Variants in CAB39 observed in about 807,000 individuals in gnomAD.
The protein encoded by CAB39 is calcium-binding protein 39.
Under a neutral mutation model 40.0 loss-of-function variants are expected in CAB39, and 8 were observed. The ratio of observed to expected loss-of-function variants is 0.20; its 90% confidence interval spans 0.12 to 0.36. CAB39 has a LOEUF of 0.36. CAB39 is among the 10% of genes least tolerant of loss of function. CAB39 has a pLI of 1.00. For missense variants in CAB39, 270 were observed against 401.1 expected (o/e 0.67, Z 2.79); for synonymous variants, 156 against 141.6 (o/e 1.10, Z -0.72).
At chr2:230,745,610 T>C (rs149294877) in intron 1 of CAB39, among the ~76,000 whole-genome samples, 7 of 152,244 alleles carry the variant, frequency 4.6e-5, no homozygotes, top group Admixed American at 3.9e-4. Context: ...TTTTTAAAAT[T>C]TTTTTCTTTT....
chr2:230,778,372 G>A (rs369725114), intron 2 of CAB39, among the ~76,000 whole-genome samples: 50 of 152,306 alleles, frequency 3.3e-4, no homozygotes, highest in African/African-American at 1.2e-3. Context: ...CAAGGACATT[G>A]CATAGAAGCA....
rs376452703 is a variant in CAB39 at position 230,759,998 on chromosome 2, C to T, written c.-4C>T. On this transcript the variant is annotated 5_prime_UTR_variant, in exon 2 of 9. Coordinates refer to ENST00000258418, the MANE Select transcript of CAB39 (RefSeq NM_016289.4). ...GTGCAGCGGAGGCCCCTGCCGCTGC[C>T]GTCATGCCGTTCCCGTTTGGGAAGT... The T allele has an allele frequency of 1.1e-5, 17 of 1,594,170 alleles. No homozygotes were observed. In the African/African-American group the frequency reaches 1.1e-4, roughly 10 times the overall value.
intron 3 of CAB39, 140 bp downstream of exon 3, chr2:230,791,176 T>C: frequency 1.6e-6 from 1 of 615,788 alleles, no homozygotes. Context: ...ATGCCTGGGC[T>C]GCCTGCCTGA....
chr2:230,775,480 C>CA (rs1374474325), intron 2 of CAB39, among the ~76,000 whole-genome samples: 1 of 152,046 alleles, frequency 6.6e-6, no homozygotes, highest in African/African-American at 2.4e-5. Flanking sequence ...GTGATCCTCC[C>CA]ACTGTGGCCT....
intron 2 of CAB39, among the ~76,000 whole-genome samples, chr2:230,771,790 C>T (rs80094107): frequency 0.014 from 2,137 of 152,246 alleles, 50 homozygotes; most frequent in African/African-American, 0.047. Flanking sequence ...AGAAATAGAC[C>T]TACACATGTA....
At chr2:230,801,558 C>T (rs914853399) in intron 5 of CAB39, among the ~76,000 whole-genome samples, 4 of 152,080 alleles carry the variant, frequency 2.6e-5, no homozygotes, top group Non-Finnish European at 4.4e-5. Context: ...GGAACAGGTG[C>T]TGAGTCTTTA....
At chr2:230,716,316 T>C (rs894178079) in intron 1 of CAB39, among the ~76,000 whole-genome samples, 1 of 152,200 alleles carries the variant, frequency 6.6e-6, no homozygotes, top group Admixed American at 6.5e-5. Flanking sequence ...TTACTAAAGT[T>C]TTCTGTTTTG....
Position 230,788,246 on chromosome 2 carries a change from GT to G in CAB39, c.115-2612del, listed in dbSNP as rs201593174. 2.9e-3 allele frequency among the ~76,000 whole-genome samples: 392 copies of G among 136,712 alleles called. 1 individual carries two copies. The highest frequency in any genetic ancestry group is 7.0e-3 in the African/African-American group (264 of 37,454). 89.7% of individuals were successfully genotyped at this position (136,712 alleles called of 152,430 possible). ...TATAAATCTTTGATTTTGTTTTTCGGTTTTTTTTTTTTTTAAGTGGTTGCTT... is the reference window on the plus strand; with the variant it reads ...TATAAATCTTTGATTTTGTTTTTCGGTTTTTTTTTTTTTAAGTGGTTGCTT... On this transcript the variant is annotated intron_variant, in intron 2 of 8. Transcript: ENST00000258418.
intron 1 of CAB39, among the ~76,000 whole-genome samples, chr2:230,741,452 G>A (rs1694875580): frequency 6.6e-6 from 1 of 152,176 alleles, no homozygotes; most frequent in African/African-American, 2.4e-5. Flanking sequence ...TTTACTTCTA[G>A]TATTTGCCCC....
chr2:230,726,087 AAAT>A (rs1694564669), intron 1 of CAB39, among the ~76,000 whole-genome samples: 1 of 152,200 alleles, frequency 6.6e-6, no homozygotes, highest in Non-Finnish European at 1.5e-5. Context: ...GATTATCTGA[AAAT>A]ATTAAATTGC....
At chr2:230,727,339 A>G (rs1046582831) in intron 1 of CAB39, among the ~76,000 whole-genome samples, 2 of 149,790 alleles carry the variant, frequency 1.3e-5, no homozygotes, top group Admixed American at 6.6e-5. Context: ...TTTAAGAAGT[A>G]GAGCACTTGA....
At chr2:230,716,258 A>G (rs1431030907) in intron 1 of CAB39, among the ~76,000 whole-genome samples, 2 of 152,196 alleles carry the variant, frequency 1.3e-5, no homozygotes, top group Admixed American at 6.5e-5. Flanking sequence ...GAATGTTTGT[A>G]TATTGCAAAT....
At chr2:230,764,345 A>G (rs1424876538) in intron 2 of CAB39, among the ~76,000 whole-genome samples, 1 of 152,220 alleles carries the variant, frequency 6.6e-6, no homozygotes, top group African/African-American at 2.4e-5. Context: ...TGCCCATGAT[A>G]GGCTATTGTG....
chr2:230,720,645 C>T (rs1694432316), intron 1 of CAB39, among the ~76,000 whole-genome samples: 1 of 152,214 alleles, frequency 6.6e-6, no homozygotes, highest in Non-Finnish European at 1.5e-5. Context: ...TGGTCTTGAA[C>T]TCCTGACCTT....
chr2:230,726,692 A>G (rs1694578480), intron 1 of CAB39, among the ~76,000 whole-genome samples: 1 of 152,038 alleles, frequency 6.6e-6, no homozygotes, highest in Non-Finnish European at 1.5e-5. Context: ...TATTGTTAAA[A>G]TCATCCATTT....
At chr2:230,714,633 A>G (rs2124841263) in intron 1 of CAB39, among the ~76,000 whole-genome samples, 1 of 152,372 alleles carries the variant, frequency 6.6e-6, no homozygotes, top group Non-Finnish European at 1.5e-5. Flanking sequence ...AATAACATAA[A>G]TTGATGATTT....
At chr2:230,782,324 C>A (rs1313672780) in intron 2 of CAB39, among the ~76,000 whole-genome samples, 1 of 151,318 alleles carries the variant, frequency 6.6e-6, no homozygotes, top group Non-Finnish European at 1.5e-5. Flanking sequence ...TATAATTGTC[C>A]ATGGTTATTT....
intron 2 of CAB39, among the ~76,000 whole-genome samples, chr2:230,769,517 A>G (rs1695446434): frequency 6.6e-6 from 1 of 152,232 alleles, no homozygotes; most frequent in Non-Finnish European, 1.5e-5. Context: ...TGGGTCAAAG[A>G]AAAAGGTCTC....
At chr2:230,759,619 C>A (rs1695254699) in intron 1 of CAB39, among the ~76,000 whole-genome samples, 1 of 152,194 alleles carries the variant, frequency 6.6e-6, no homozygotes, top group Non-Finnish European at 1.5e-5. Context: ...TGCTCAGCAT[C>A]AGGCCTGGCA....
Sources: allele counts gnomAD v4.1 joint callset (sites outside exome capture counted in the v4.1 genomes callset), GRCh38; gene constraint gnomAD v4.1.1; transcripts MANE v1.5; gene names NCBI Gene and HGNC (gene_info 2026-07-23, HGNC 2026-07-21).